Variants in GMPR observed in about 807,000 individuals in gnomAD.
The protein encoded by GMPR is GMP reductase 1.
Under a neutral mutation model 38.4 loss-of-function variants are expected in GMPR, and 31 were observed. That is an observed-to-expected ratio of 0.81 (90% CI 0.61 to 1.09). The LOEUF is 1.09. Ranked by LOEUF, GMPR falls within the 50% of genes least tolerant of loss-of-function variation. The pLI, the probability that GMPR is intolerant of heterozygous loss-of-function variation, is 0.00. For synonymous variants in GMPR, 162 were observed against 173.3 expected, an observed-to-expected ratio of 0.93 and a Z score of 0.51; for missense variants, 468 against 453.7, an observed-to-expected ratio of 1.03 and a Z score of -0.29.
intron 4 of GMPR, among the ~76,000 whole-genome samples, chr6:16,271,427 G>A (rs574233347): frequency 4.6e-5 from 7 of 152,298 alleles, no homozygotes; most frequent in South Asian, 2.1e-4. Flanking sequence ...TTCAGGCTGC[G>A]GCGAGCCATG....
chr6:16,292,773 A>G (rs958094954), intron 8 of GMPR, among the ~76,000 whole-genome samples: 4 of 152,170 alleles, frequency 2.6e-5, no homozygotes, highest in African/African-American at 9.7e-5. Context: ...AAATTATAGA[A>G]TCAAGAAGAC....
At chr6:16,241,470 G>C (rs1270616939) in intron 1 of GMPR, among the ~76,000 whole-genome samples, 1 of 152,232 alleles carries the variant, frequency 6.6e-6, no homozygotes, top group Non-Finnish European at 1.5e-5. Context: ...ACAGGTAGCA[G>C]TGGCCCAGGT....
At chr6:16,269,868 C>T (rs147372419) in intron 4 of GMPR, among the ~76,000 whole-genome samples, 1 of 152,182 alleles carries the variant, frequency 6.6e-6, no homozygotes, top group Non-Finnish European at 1.5e-5. Flanking sequence ...AGTCCAGTAT[C>T]AAGGCAGATT....
intron 4 of GMPR, among the ~76,000 whole-genome samples, chr6:16,266,557 C>G (rs1759237894): frequency 6.6e-6 from 1 of 151,176 alleles, no homozygotes; most frequent in African/African-American, 2.4e-5. Flanking sequence ...AATCCTGGCA[C>G]TTTGGGAGGC....
At chr6:16,285,261 A>G (rs915997128) in intron 6 of GMPR, among the ~76,000 whole-genome samples, 1 of 152,224 alleles carries the variant, frequency 6.6e-6, no homozygotes, top group African/African-American at 2.4e-5. Context: ...TGTACCATAC[A>G]TGAGGAATAG....
intron 4 of GMPR, among the ~76,000 whole-genome samples, chr6:16,265,907 T>A (rs185962275): frequency 6.6e-6 from 1 of 152,298 alleles, no homozygotes; most frequent in East Asian, 1.9e-4. Context: ...ACTGCAAAGA[T>A]GTGCAGTTTC....
intron 4 of GMPR, among the ~76,000 whole-genome samples, chr6:16,273,312 T>C (rs760458883): frequency 4.7e-4 from 72 of 152,236 alleles, no homozygotes; most frequent in Non-Finnish European, 9.4e-4. Context: ...AGGATTCATT[T>C]TGCAAAATAT....
chr6:16,240,745 G>A (rs1344723741), intron 1 of GMPR, among the ~76,000 whole-genome samples: 1 of 152,224 alleles, frequency 6.6e-6, no homozygotes, highest in Non-Finnish European at 1.5e-5. Flanking sequence ...TGTAACTAAT[G>A]TTCCAGTTTG....
intron 2 of GMPR, among the ~76,000 whole-genome samples, chr6:16,248,977 T>C (rs1451746951): frequency 6.6e-6 from 1 of 152,112 alleles, no homozygotes; most frequent in Non-Finnish European, 1.5e-5. Flanking sequence ...CTAGGATCCA[T>C]AGAACTAGCA....
At chr6:16,292,501 T>A (rs1759858824) in intron 8 of GMPR, among the ~76,000 whole-genome samples, 2 of 152,142 alleles carry the variant, frequency 1.3e-5, no homozygotes, top group South Asian at 4.1e-4. Context: ...TCCTTCCAGG[T>A]AGCCCCCGAG....
intron 4 of GMPR, among the ~76,000 whole-genome samples, chr6:16,269,972 C>T (rs72833484): frequency 0.048 from 7,358 of 152,214 alleles, 338 homozygotes; most frequent in East Asian, 0.13. Context: ...CTCTCTTAGA[C>T]GGCCACTAAT....
intron 1 of GMPR, among the ~76,000 whole-genome samples, chr6:16,241,482 G>A (rs1350479407): frequency 6.6e-6 from 1 of 152,216 alleles, no homozygotes; most frequent in Non-Finnish European, 1.5e-5. Context: ...GGCCCAGGTG[G>A]CCTTCGCCTG....
chr6:16,295,259 G>C lies in GMPR; in HGVS notation c.*73G>C. 1 of 1,150,056 alleles carries C rather than the reference G, an allele frequency of 8.7e-7. No individual in the cohort carries two copies. The highest frequency in any genetic ancestry group is 1.2e-6 in the Non-Finnish European group (1 of 843,232). The allele number at this position is 1,150,056 out of a possible 1,614,324, so 71.2% of individuals were successfully genotyped here. ...GCTTTTCCCATCTCCCCCCAAGTCT[G>C]TTCCGTCAGAGCTTCTGGCTGCTCC... On this transcript the variant is annotated 3_prime_UTR_variant, in exon 9 of 9. Transcript: ENST00000259727.
At chr6:16,251,806 C>T (rs7766886) in intron 3 of GMPR, among the ~76,000 whole-genome samples, 4,206 of 152,002 alleles carry the variant, frequency 0.028, 85 homozygotes, top group African/African-American at 0.058. Context: ...TTGAATTGTG[C>T]ATGTTGAATG....
chr6:16,247,586 G>T (rs1360896665), intron 2 of GMPR, among the ~76,000 whole-genome samples: 1 of 152,188 alleles, frequency 6.6e-6, no homozygotes, highest in Non-Finnish European at 1.5e-5. Flanking sequence ...TGTTGGCCAA[G>T]CTGGCCTTGA....
intron 4 of GMPR, among the ~76,000 whole-genome samples, chr6:16,259,651 G>C (rs1759044066): frequency 1.3e-5 from 2 of 151,898 alleles, no homozygotes; most frequent in African/African-American, 4.8e-5. Flanking sequence ...AGAAACATTT[G>C]TCATTTAGAA....
chr6:16,280,303 C>G (rs1467215889), intron 6 of GMPR, among the ~76,000 whole-genome samples: 2 of 152,172 alleles, frequency 1.3e-5, no homozygotes, highest in South Asian at 2.1e-4. Context: ...AAGCTAGGAT[C>G]AAGGTCTTTC....
chr6:16,256,528 C>CAAAA (rs1006257648), intron 4 of GMPR, among the ~76,000 whole-genome samples: 2 of 33,934 alleles, frequency 5.9e-5, no homozygotes, highest in East Asian at 9.4e-4. Flanking sequence ...GACTCTGTCT[C>CAAAA]AAAAAAAAAA....
At chr6:16,286,865 C>T (rs928293572) in intron 7 of GMPR, among the ~76,000 whole-genome samples, 1 of 151,996 alleles carries the variant, frequency 6.6e-6, no homozygotes, top group Non-Finnish European at 1.5e-5. Context: ...AAGATCACGC[C>T]ACTGCACTCC....
Sources: allele counts gnomAD v4.1 joint callset (sites outside exome capture counted in the v4.1 genomes callset), GRCh38; gene constraint gnomAD v4.1.1; transcripts MANE v1.5; gene names NCBI Gene and HGNC (gene_info 2026-07-23, HGNC 2026-07-21).